NF2: variants seen among roughly 807,000 people sequenced by gnomAD.
The protein encoded by NF2 is NF2, moesin-ezrin-radixin like (MERLIN) tumor suppressor.
A neutral mutation model predicts 83.7 loss-of-function variants in NF2; 8 were observed. The observed-to-expected ratio is 0.10, with a 90% CI of 0.06 to 0.17. The LOEUF is 0.17. NF2 is among the 10% of genes least tolerant of loss of function. NF2 has a pLI of 1.00. For missense variants in NF2, 533 were observed against 744.4 expected (o/e 0.72, Z 3.31); for synonymous variants, 266 against 269.6 (o/e 0.99, Z 0.13).
rs558494389 is a variant in NF2 at position 29,694,962 on chromosome 22, T to G, written c.*160T>G. ...AGTGAAGAGCCCAGCCCCTCTTATG[T>G]GCAATTGCCTTGAACTACGACCCTG... On this transcript the variant is annotated 3_prime_UTR_variant, in exon 16 of 16. Transcript: ENST00000338641. This position sits in a 1 kb window ranked among gnomAD's most constrained non-coding sequence, Gnocchi z 4.1. 2.7e-6 allele frequency: 2 copies of G among 733,900 alleles called. No individual in the cohort carries two copies. Among genetic ancestry groups the G allele is most frequent in the Admixed American group, 4.1e-5 (2 of 49,196 alleles). The allele number at this position is 733,900 out of a possible 1,614,324, so 45.5% of individuals were successfully genotyped here. A position where few individuals can be genotyped will look rare whatever the true frequency, so the allele number is the denominator to read the frequency against.
At chr22:29,681,853 T>C (rs1430054276) in intron 15 of NF2, among the ~76,000 whole-genome samples, 1 of 152,122 alleles carries the variant, frequency 6.6e-6, no homozygotes, top group Non-Finnish European at 1.5e-5. Context: ...ACAGGGTGGA[T>C]TTTGAGCCCT....
At chr22:29,642,510 G>A (rs186588352) in intron 4 of NF2, among the ~76,000 whole-genome samples, 476 of 152,082 alleles carry the variant, frequency 3.1e-3, no homozygotes, top group Middle Eastern at 6.8e-3. Flanking sequence ...GTGGTGTGCA[G>A]AAATTATAAG....
chr22:29,643,962 C>CG (rs1341294839), intron 4 of NF2, among the ~76,000 whole-genome samples: 4 of 127,856 alleles, frequency 3.1e-5, no homozygotes, highest in African/African-American at 8.8e-5. Context: ...GCTGGCCTGG[C>CG]GGGGGGCTGA....
intron 4 of NF2, among the ~76,000 whole-genome samples, chr22:29,647,346 A>G (rs1224258076): frequency 6.6e-6 from 1 of 152,188 alleles, no homozygotes; most frequent in Non-Finnish European, 1.5e-5. Flanking sequence ...TTGAGTGTGT[A>G]AAGTGTAGGT....
At chr22:29,679,361 G>T (rs1484176277) in intron 14 of NF2, among the ~76,000 whole-genome samples, 10 of 152,184 alleles carry the variant, frequency 6.6e-5, no homozygotes, top group Non-Finnish European at 1.5e-4. Flanking sequence ...GTATAGCTAA[G>T]TAGCCAATGA....
intron 9 of NF2, among the ~76,000 whole-genome samples, chr22:29,665,703 G>A (rs1478542180): frequency 2.7e-5 from 4 of 150,744 alleles, no homozygotes; most frequent in Admixed American, 1.3e-4. Context: ...GGTGGCTTAC[G>A]CCTGTAATCC....
At chr22:29,687,926 C>G (rs1406509012) in intron 15 of NF2, among the ~76,000 whole-genome samples, 1 of 152,178 alleles carries the variant, frequency 6.6e-6, no homozygotes, top group Non-Finnish European at 1.5e-5. Context: ...TGTGGAAGCC[C>G]AGGGAAGGCA....
chr22:29,682,981 T>C, intron 15 of NF2: 1 of 1,611,210 alleles, frequency 6.2e-7, no homozygotes. Flanking sequence ...TATCACAGGG[T>C]ATGTTTTTGT....
chr22:29,664,457 GCC>G (rs963722710), intron 8 of NF2, among the ~76,000 whole-genome samples: 60 of 151,912 alleles, frequency 3.9e-4, no homozygotes, highest in African/African-American at 1.4e-3. Flanking sequence ...TGTGCAGAAT[GCC>G]CCTTCACCTG....
In NF2 at chr22:29,664,043, T is replaced by G. The variant is rs2066547624; in HGVS notation, c.811-947T>G. On this transcript the variant is annotated intron_variant, in intron 8 of 15. Coordinates refer to ENST00000338641, the MANE Select transcript of NF2 (RefSeq NM_000268.4). Reference sequence around the variant, plus strand: ...TTCCCCATTTGATTCTATTAACAGCTTTTACCAAATTATTCCCATGTTCAG... The same window carrying G: ...TTCCCCATTTGATTCTATTAACAGCGTTTACCAAATTATTCCCATGTTCAG... Among the ~76,000 whole-genome samples, 3 of 152,204 alleles carry G rather than the reference T, an allele frequency of 2.0e-5. No individual in the cohort carries two copies. In the South Asian group the frequency reaches 6.2e-4, roughly 32 times the overall value.
intron 13 of NF2, among the ~76,000 whole-genome samples, chr22:29,677,170 A>G (rs1326313985): frequency 2.0e-5 from 3 of 152,254 alleles, no homozygotes; most frequent in African/African-American, 7.2e-5. Context: ...GATACAGCCA[A>G]AAAGAAATCT....
In NF2 at chr22:29,695,156, T is replaced by C. The variant is rs1008515; in HGVS notation, c.*354T>C. Reference sequence around the variant, plus strand: ...CTCCACCGCCCAGCCTGGGAAGTCATTGTAGGGAGTGAGACACTGAAGCCC... The same window carrying C: ...CTCCACCGCCCAGCCTGGGAAGTCACTGTAGGGAGTGAGACACTGAAGCCC... On this transcript the variant is annotated 3_prime_UTR_variant, in exon 16 of 16. Transcript: ENST00000338641. The surrounding 1 kb of genome is among the most constrained non-coding windows in gnomAD (Gnocchi z 5.4). The C allele has an allele frequency of 0.25, 113,403 of 457,612 alleles. 15,200 individuals carry two copies. The highest frequency in any genetic ancestry group is 0.45 in the East Asian group (11,954 of 26,386). The allele number at this position is 457,612 out of a possible 1,614,324, so 28.3% of individuals were successfully genotyped here.
At chr22:29,674,768 G>A (rs1422794009) in intron 12 of NF2, 68 bp from the exon 13 acceptor site, 9 of 1,388,838 alleles carry the variant, frequency 6.5e-6, no homozygotes, top group East Asian at 5.0e-5. Flanking sequence ...CTCTGCAGGG[G>A]TGGGGTGGTG....
rs1487658553 is a variant in NF2, at chr22:29,697,060, T to A, written c.*2258T>A. On this transcript the variant is annotated 3_prime_UTR_variant, in exon 16 of 16. Coordinates refer to ENST00000338641, the MANE Select transcript of NF2 (RefSeq NM_000268.4). ...TCGAACTCCTGACCTCAGGTGATCCTCCCACCCCGGCTTCCCAAAGTTCTG... is the reference window on the plus strand; with the variant it reads ...TCGAACTCCTGACCTCAGGTGATCCACCCACCCCGGCTTCCCAAAGTTCTG... 1.6e-5 allele frequency: 3 copies of A among 191,344 alleles called. No individual in the cohort carries two copies. The highest frequency in any genetic ancestry group is 7.0e-5 in the African/African-American group (3 of 43,022). The allele number at this position is 191,344 out of a possible 1,614,324, so 11.9% of individuals were successfully genotyped here.
intron 4 of NF2, among the ~76,000 whole-genome samples, chr22:29,644,018 G>A (rs1345058482): frequency 1.4e-5 from 2 of 142,796 alleles, no homozygotes; most frequent in Non-Finnish European, 3.1e-5. Context: ...TGGCCGGGGG[G>A]CTGACCCCCC....
At chr22:29,645,078 CTT>C (rs755027630) in intron 4 of NF2, among the ~76,000 whole-genome samples, 13 of 152,176 alleles carry the variant, frequency 8.5e-5, no homozygotes, top group African/African-American at 2.9e-4. Flanking sequence ...ATAAAATACT[CTT>C]AACTCACTTT....
rs534715479 is a variant in NF2, at chr22:29,614,842, G to A, written c.114+10730G>A. Among the ~76,000 whole-genome samples the A allele has an allele frequency of 9.2e-5, 14 of 152,134 alleles. No individual in the cohort carries two copies. The South Asian group carries it at 1.9e-3, about 20-fold the overall frequency. On this transcript the variant is annotated intron_variant, in intron 1 of 15. Coordinates refer to ENST00000338641, the MANE Select transcript of NF2 (RefSeq NM_000268.4). ...GTGGATGGATCACTTGAGGCCAGGA[G>A]TTTGAGACCAGTCTGGCCAACATGG...
At chr22:29,683,098 TG>T (rs975913691) in intron 15 of NF2, 3 of 1,614,096 alleles carry the variant, frequency 1.9e-6, no homozygotes, top group Non-Finnish European at 2.5e-6. Context: ...TATGTGGTGA[TG>T]GTGCTGCCCT....
rs971789891 is a variant in NF2 at position 29,698,168 on chromosome 22, A to T, written c.*3366A>T. Reference sequence around the variant, plus strand: ...CCCCCCAACCTGTGTTGTCCACCCTATTATTCATGTACCTGCCAGGCCCTG... The same window carrying T: ...CCCCCCAACCTGTGTTGTCCACCCTTTTATTCATGTACCTGCCAGGCCCTG... On this transcript the variant is annotated 3_prime_UTR_variant, in exon 16 of 16. Coordinates refer to ENST00000338641, the MANE Select transcript of NF2 (RefSeq NM_000268.4). The T allele has an allele frequency of 1.3e-5, 3 of 232,212 alleles. No individual in the cohort carries two copies. Among genetic ancestry groups the T allele is most frequent in the Admixed American group, 5.6e-5 (1 of 17,740 alleles). 14.4% of individuals were successfully genotyped at this position (232,212 alleles called of 1,614,324 possible). A position where few individuals can be genotyped will look rare whatever the true frequency, so the allele number is the denominator to read the frequency against.
Sources: allele counts gnomAD v4.1 joint callset (sites outside exome capture counted in the v4.1 genomes callset), GRCh38; gene constraint gnomAD v4.1.1; non-coding constraint Gnocchi (gnomAD v3.1); transcripts MANE v1.5; gene names NCBI Gene and HGNC (gene_info 2026-07-23, HGNC 2026-07-21).